EPHX2: variants seen among roughly 807,000 people sequenced by gnomAD.
The protein encoded by EPHX2 is epoxide hydrolase 2, also known as bifunctional epoxide hydrolase 2.
EPHX2 carries 74 observed loss-of-function variants against 78.7 expected under a neutral mutation model. The observed-to-expected ratio is 0.94, with a 90% CI of 0.78 to 1.14. The LOEUF (loss-of-function observed/expected upper bound fraction) is 1.14, where lower values mean the gene tolerates loss of function less well. Ranked by LOEUF, EPHX2 falls within the 50% of genes most tolerant of loss-of-function variation. EPHX2 has a pLI of 0.00. For missense variants in EPHX2, 715 were observed against 702.5 expected (o/e 1.02, Z -0.20); for synonymous variants, 251 against 255.2 (o/e 0.98, Z 0.16).
chr8:27,501,387 C>CTTCTTTCTTCTTTCTTCTTTCTTCT (rs1554519567), intron 2 of EPHX2, among the ~76,000 whole-genome samples: 1 of 67,504 alleles, frequency 1.5e-5, no homozygotes, highest in South Asian at 4.1e-4. Context: ...TCTTCTTCTT[C>CTTCTTTCTTCTTTCTTCTTTCTTCT]TTCTTCTTTC....
intron 6 of EPHX2, among the ~76,000 whole-genome samples, chr8:27,512,423 G>A (rs1478997586): frequency 6.6e-6 from 1 of 152,244 alleles, no homozygotes; most frequent in Admixed American, 6.5e-5. Flanking sequence ...TACAAGGGGT[G>A]CAGTGACGAT....
At chr8:27,525,554 A>G in intron 12 of EPHX2, 81 bp downstream of exon 12, 2 of 1,203,276 alleles carry the variant, frequency 1.7e-6, no homozygotes, top group Non-Finnish European at 2.5e-6. Context: ...TTGCTTTATC[A>G]CTGTCCCCTT....
At chr8:27,543,962 C>A in intron 17 of EPHX2, 133 bp downstream of exon 17, 1 of 1,010,414 alleles carries the variant, frequency 9.9e-7, no homozygotes, top group Non-Finnish European at 1.5e-6. Flanking sequence ...TCATCAGTAA[C>A]ATCACTGTCC....
intron 2 of EPHX2, among the ~76,000 whole-genome samples, chr8:27,502,320 T>C (rs2132718764): frequency 6.6e-6 from 1 of 152,358 alleles, no homozygotes; most frequent in Admixed American, 6.5e-5. Context: ...TATACCCCAA[T>C]CTATCCATTC....
rs1484361334 is a variant in EPHX2 at position 27,516,343 on chromosome 8, T to A, written c.855T>A (p.Gly285=). 6.2e-7 allele frequency: 1 copy of A among 1,613,994 alleles called. No homozygotes were observed. Residue 285 remains glycine (G), a synonymous_variant, in exon 8 of 19, where the codon GGT becomes GGA. Coordinates refer to ENST00000521400, the MANE Select transcript of EPHX2 (RefSeq NM_001979.6). The stretch of plus-strand genomic sequence containing the variant: ...AGATCCCTGCTCTGGCCCAGGCAGG[T>A]TACCGGGTCCTAGCTATGGACATGA... ...RYQIPALAQA[G]YRVLAMDMKG...
chr8:27,531,571 G>A (rs113292529), intron 12 of EPHX2, among the ~76,000 whole-genome samples: 261 of 152,300 alleles, frequency 1.7e-3, no homozygotes, highest in African/African-American at 5.7e-3. Flanking sequence ...CAAGGTAGAC[G>A]GAGCATGAAA....
chr8:27,517,796 A>G (rs1453210038), intron 8 of EPHX2, among the ~76,000 whole-genome samples: 5 of 147,652 alleles, frequency 3.4e-5, no homozygotes, highest in Non-Finnish European at 7.4e-5. Context: ...AAGAAAACAC[A>G]GGGGGAAAGC....
chr8:27,543,441 G>A (rs1044042787), intron 16 of EPHX2, among the ~76,000 whole-genome samples: 5 of 152,196 alleles, frequency 3.3e-5, no homozygotes, highest in African/African-American at 9.6e-5. Flanking sequence ...CAGGGAAGAG[G>A]AATCTTGATC....
Position 27,503,530 on chromosome 8 carries a change from G to A in EPHX2, c.187-74G>A, listed in dbSNP as rs72475808. 9,475 of 1,478,850 alleles carry A rather than the reference G, an allele frequency of 6.4e-3. 68 individuals are homozygous for A. Among genetic ancestry groups the A allele is most frequent in the Middle Eastern group, 0.05 (282 of 5,596 alleles). The allele number at this position is 1,478,850 out of a possible 1,614,324, so 91.6% of individuals were successfully genotyped here. Reference sequence around the variant, plus strand: ...TTGCTTGGTCACAGGGAATGTATATGTTTAGATTTAGTAGACCCTGCCAGA... The same window carrying A: ...TTGCTTGGTCACAGGGAATGTATATATTTAGATTTAGTAGACCCTGCCAGA... On this transcript the variant is annotated intron_variant, in intron 2 of 18. Transcript: ENST00000521400.
chr8:27,493,534 A>T (rs982599319), intron 1 of EPHX2, among the ~76,000 whole-genome samples: 2 of 152,206 alleles, frequency 1.3e-5, no homozygotes, highest in Non-Finnish European at 2.9e-5. Context: ...TAAACTGGCT[A>T]TTCTGGTTCC....
chr8:27,548,011 G>A (rs558411743), downstream of EPHX2, among the ~76,000 whole-genome samples: 124 of 152,266 alleles, frequency 8.1e-4, no homozygotes, highest in African/African-American at 3.0e-3. Flanking sequence ...AGGTCCAGCA[G>A]TCTTCATATT....
intron 16 of EPHX2, among the ~76,000 whole-genome samples, chr8:27,542,551 G>A (rs72478903): frequency 0.056 from 8,515 of 152,192 alleles, 288 homozygotes; most frequent in Middle Eastern, 0.1. Flanking sequence ...AACTGCAGTT[G>A]GACAGACAAA....
At chr8:27,528,154 A>G (rs946590015) in intron 12 of EPHX2, among the ~76,000 whole-genome samples, 1 of 152,230 alleles carries the variant, frequency 6.6e-6, no homozygotes, top group Admixed American at 6.5e-5. Flanking sequence ...GTCAAGGCAC[A>G]GTTTTTTGTT....
At chr8:27,511,143 T>C (rs1427581538) in intron 5 of EPHX2, among the ~76,000 whole-genome samples, 1 of 152,112 alleles carries the variant, frequency 6.6e-6, no homozygotes, top group Non-Finnish European at 1.5e-5. Flanking sequence ...GAAATAAATA[T>C]CTGTTCTTGA....
At chr8:27,534,678 G>A (rs527892173) in intron 12 of EPHX2, among the ~76,000 whole-genome samples, 4 of 152,230 alleles carry the variant, frequency 2.6e-5, no homozygotes, top group Non-Finnish European at 4.4e-5. Context: ...ACCTCTCAAC[G>A]TGTGCAAGCA....
At chr8:27,547,878 A>G (rs755958709), downstream of EPHX2, among the ~76,000 whole-genome samples, 1 of 152,226 alleles carries the variant, frequency 6.6e-6, no homozygotes, top group Non-Finnish European at 1.5e-5. Flanking sequence ...GCTGCGAGAG[A>G]CAAGATTTCA....
At chr8:27,525,108 G>GCGCGCA (rs1814790599) in intron 11 of EPHX2, among the ~76,000 whole-genome samples, 1 of 128,304 alleles carries the variant, frequency 7.8e-6, no homozygotes, top group African/African-American at 3.7e-5. Context: ...GTGTGTGTGT[G>GCGCGCA]CGCGCGCGCG....
chr8:27,492,630 C>G (rs1201602053), intron 1 of EPHX2, among the ~76,000 whole-genome samples: 1 of 152,140 alleles, frequency 6.6e-6, no homozygotes, highest in Non-Finnish European at 1.5e-5. Flanking sequence ...TGGAAGGGGA[C>G]CCCAGCAGGT....
chr8:27,520,228 C>T (rs372752585), intron 9 of EPHX2, among the ~76,000 whole-genome samples: 1 of 151,498 alleles, frequency 6.6e-6, no homozygotes, highest in South Asian at 2.1e-4. Flanking sequence ...TGCAGTGGTG[C>T]GATCTCAGCT....
Sources: gnomAD v4.1 joint callset for allele counts (sites outside exome capture counted in the v4.1 genomes callset) on GRCh38, gnomAD v4.1.1 for gene constraint, MANE v1.5 for transcripts, NCBI Gene and HGNC (gene_info 2026-07-23, HGNC 2026-07-21) for gene names.